The following MOGAT1 variants were observed in gnomAD, a reference collection of about 807,000 sequenced individuals.
MOGAT1 encodes the protein monoacylglycerol O-acyltransferase 1.
Under a neutral mutation model 31.4 loss-of-function variants are expected in MOGAT1, and 32 were observed. The ratio of observed to expected loss-of-function variants is 1.02; its 90% CI spans 0.77 to 1.37. The LOEUF (loss-of-function observed/expected upper bound fraction) is 1.37. Ranked by LOEUF, MOGAT1 falls within the 40% of genes most tolerant of loss-of-function variation. The pLI, the probability that MOGAT1 is intolerant of heterozygous loss-of-function variation, is 0.00. For synonymous variants in MOGAT1, 145 were observed against 144.5 expected (o/e 1.00, Z -0.03); for missense variants, 426 against 402.0 (o/e 1.06, Z -0.51).
intron 5 of MOGAT1, among the ~76,000 whole-genome samples, chr2:222,696,873 T>C (rs74637460): frequency 0.041 from 6,287 of 152,020 alleles, 280 homozygotes; most frequent in African/African-American, 0.12. Context: ...ACCTCATCTC[T>C]ACTAAAAATT....
chr2:222,708,668 T>C (rs866734627), intron 5 of MOGAT1, among the ~76,000 whole-genome samples: 1 of 152,276 alleles, frequency 6.6e-6, no homozygotes, highest in South Asian at 2.1e-4. Context: ...GGAACTTTTA[T>C]GTTTCTCTCT....
chr2:222,686,308 G>A (rs985868581), intron 1 of MOGAT1, among the ~76,000 whole-genome samples: 2 of 152,136 alleles, frequency 1.3e-5, no homozygotes, highest in Non-Finnish European at 2.9e-5. Flanking sequence ...CTGTAAAATG[G>A]GGCAATAACG....
rs1692417569 is a variant in MOGAT1, at chr2:222,671,686, C to T, written c.-100C>T. On this transcript the variant is annotated 5_prime_UTR_variant, in exon 1 of 6. Coordinates refer to ENST00000446656, the MANE Select transcript of MOGAT1 (RefSeq NM_058165.3). ...TTTTCCTCTCCGCCCAGCCAGTGCC[C>T]AGCGCGGGGCCCGGATCCGGCCGGG... is the stretch of plus-strand genomic sequence containing the variant. 2.0e-6 allele frequency: 2 copies of T among 1,019,932 alleles called. No individual in the cohort carries two copies. 63.2% of individuals were successfully genotyped at this position (1,019,932 alleles called of 1,614,324 possible). A position where few individuals can be genotyped will look rare whatever the true frequency, so the allele number is the denominator to read the frequency against.
chr2:222,700,494 G>C (rs565207541), intron 5 of MOGAT1, among the ~76,000 whole-genome samples: 9 of 152,336 alleles, frequency 5.9e-5, no homozygotes, highest in African/African-American at 2.2e-4. Context: ...ATGATTAGTA[G>C]TCTGTATCAT....
chr2:222,691,426 C>T (rs1265148780), intron 3 of MOGAT1, among the ~76,000 whole-genome samples: 1 of 152,086 alleles, frequency 6.6e-6, no homozygotes, highest in Admixed American at 6.5e-5. Context: ...CCAGGCTGGT[C>T]AAGAACTCCT....
intron 5 of MOGAT1, 125 bp from the exon 6 acceptor site, chr2:222,709,611 G>T: frequency 1.3e-6 from 1 of 793,590 alleles, no homozygotes; most frequent in Admixed American, 2.4e-5. Flanking sequence ...AAGGAAACAA[G>T]GATTGGAGTG....
chr2:222,673,321 T>A (rs1692449097), intron 1 of MOGAT1, among the ~76,000 whole-genome samples: 1 of 55,010 alleles, frequency 1.8e-5, no homozygotes, highest in African/African-American at 9.5e-5. Context: ...TGCTGCTAGG[T>A]AGAATTTACC....
chr2:222,679,669 T>C (rs1692550025), intron 1 of MOGAT1, among the ~76,000 whole-genome samples: 1 of 152,242 alleles, frequency 6.6e-6, no homozygotes, highest in African/African-American at 2.4e-5. Flanking sequence ...AGCAAAGGAA[T>C]CCACATGTTG....
chr2:222,696,011 C>T (rs144806302), intron 5 of MOGAT1, among the ~76,000 whole-genome samples: 30 of 152,260 alleles, frequency 2.0e-4, no homozygotes, highest in East Asian at 1.9e-3. Context: ...TGAGAACATA[C>T]GATGTTTGGT....
chr2:222,693,417 C>A (rs1037499929), intron 3 of MOGAT1, among the ~76,000 whole-genome samples: 4 of 146,794 alleles, frequency 2.7e-5, no homozygotes. Flanking sequence ...ATGTAGAGAT[C>A]TGGCAAGTGA....
chr2:222,687,876 A>G (rs1253329939), intron 1 of MOGAT1, among the ~76,000 whole-genome samples: 1 of 152,190 alleles, frequency 6.6e-6, no homozygotes, highest in Non-Finnish European at 1.5e-5. Flanking sequence ...TGATTCTTCC[A>G]TATGTTCACA....
At chr2:222,681,731 A>G (rs908827041) in intron 1 of MOGAT1, among the ~76,000 whole-genome samples, 1 of 152,180 alleles carries the variant, frequency 6.6e-6, no homozygotes, top group African/African-American at 2.4e-5. Flanking sequence ...GCCCACCAAG[A>G]GTTGTCTCAT....
chr2:222,695,889 T>C lies in MOGAT1; in HGVS notation c.853+601T>C, dbSNP rs191793613. 2.7e-3 allele frequency among the ~76,000 whole-genome samples: 413 copies of C among 152,184 alleles called. 1 individual carries two copies. Among genetic ancestry groups the C allele is most frequent in the African/African-American group, 9.5e-3 (394 of 41,524 alleles). On this transcript the variant is annotated intron_variant, in intron 5 of 5. Transcript: ENST00000446656. Reference sequence around the variant, plus strand: ...CTGGAGCAGTGTATACTCCACCCAATATGTAGTCTTTTATCCCTCACCCCT... The same window carrying C: ...CTGGAGCAGTGTATACTCCACCCAACATGTAGTCTTTTATCCCTCACCCCT...
At chr2:222,680,625 C>T (rs1947133) in intron 1 of MOGAT1, among the ~76,000 whole-genome samples, 22,176 of 151,856 alleles carry the variant, frequency 0.15, 1,834 homozygotes, top group East Asian at 0.3. Flanking sequence ...ACAGATGGCA[C>T]GGATAGGTAT....
intron 1 of MOGAT1, among the ~76,000 whole-genome samples, chr2:222,684,802 C>G (rs935734387): frequency 6.6e-6 from 1 of 152,098 alleles, no homozygotes; most frequent in African/African-American, 2.4e-5. Context: ...GTCTCAAACG[C>G]CTGACCTCAT....
intron 3 of MOGAT1, 70 bp from the exon 4 acceptor site, chr2:222,694,292 A>T: frequency 7.4e-7 from 1 of 1,354,216 alleles, no homozygotes; most frequent in Non-Finnish European, 1.0e-6. Flanking sequence ...ATTGTCATGG[A>T]ATATTATGAT....
intron 1 of MOGAT1, among the ~76,000 whole-genome samples, chr2:222,673,701 C>T (rs551194017): frequency 2.6e-5 from 4 of 152,176 alleles, no homozygotes; most frequent in African/African-American, 4.8e-5. Flanking sequence ...ACTTGGAGTC[C>T]GACTTCCTAA....
rs140809265 is a variant in MOGAT1 at position 222,673,957 on chromosome 2, C to T, written c.94+2078C>T. Among the ~76,000 whole-genome samples the T allele has an allele frequency of 1.1e-4, 16 of 152,230 alleles. No individual in the cohort carries two copies. In the East Asian group the frequency reaches 3.1e-3, roughly 29 times the overall value. ...TGAATGGCTGTTTCTGGTCTATCAC[C>T]CAGAATAGGAATTATGCACCCACCA... On this transcript the variant is annotated intron_variant, in intron 1 of 5. Transcript: ENST00000446656.
At chr2:222,689,568 G>A in intron 3 of MOGAT1, 99 bp downstream of exon 3, 2 of 1,142,338 alleles carry the variant, frequency 1.8e-6, no homozygotes, top group East Asian at 2.4e-5. Context: ...GTCTCTTAGA[G>A]TAAAACCTGT....
Sources: gnomAD v4.1 joint callset for allele counts (sites outside exome capture counted in the v4.1 genomes callset) on GRCh38, gnomAD v4.1.1 for gene constraint, MANE v1.5 for transcripts, NCBI Gene and HGNC (gene_info 2026-07-23, HGNC 2026-07-21) for gene names.